Variants in NPIPB2 observed in about 807,000 individuals in gnomAD.
The protein encoded by NPIPB2 is nuclear pore complex-interacting protein family member B2.
Under a neutral mutation model 30.8 loss-of-function variants are expected in NPIPB2, and 27 were observed. That is an observed-to-expected ratio of 0.88 (90% confidence interval 0.65 to 1.21). NPIPB2 has a LOEUF of 1.21. Among genes scored for constraint, NPIPB2 ranks in the 50% most tolerant of loss-of-function variants. The pLI is 0.00. For synonymous variants in NPIPB2, 147 were observed against 162.0 expected (o/e 0.91, Z 0.70); for missense variants, 440 against 446.2 (o/e 0.99, Z 0.13).
exon 8 of NPIPB2, chr16:11,927,555 G>A (rs1479483441): frequency 1.2e-6 from 2 of 1,605,982 alleles, no homozygotes; most frequent in African/African-American, 2.7e-5. Context: ...CACCTCTTGG[G>A]TTTGGGTGGT....
At chr16:11,934,226 T>TCACACACACACACACACACACA (rs766087820) in intron 2 of NPIPB2, among the ~76,000 whole-genome samples, 4 of 121,750 alleles carry the variant, frequency 3.3e-5, no homozygotes, top group Admixed American at 1.7e-4. Context: ...TGAGACTCTG[T>TCACACACACACACACACACACA]CACACACACA....
At chr16:11,930,524 A>C (rs1443918776) in exon 5 of NPIPB2, 6 of 1,587,916 alleles carry the variant, frequency 3.8e-6, no homozygotes, top group Middle Eastern at 2.3e-4. Context: ...CCTTTTCTGC[A>C]TGCTCACATT....
chr16:11,951,557 C>CAGA (rs2055063518), intron 1 of NPIPB2, among the ~76,000 whole-genome samples: 2 of 149,632 alleles, frequency 1.3e-5, no homozygotes, highest in African/African-American at 4.9e-5. Context: ...ATACATCCTT[C>CAGA]TCCTCAATAC....
At chr16:11,960,045 C>T (rs558653945) in intron 1 of NPIPB2, among the ~76,000 whole-genome samples, 3 of 152,132 alleles carry the variant, frequency 2.0e-5, no homozygotes, top group Non-Finnish European at 4.4e-5. Flanking sequence ...AAAATGCTGG[C>T]ATTACAGGTG....
intron 1 of NPIPB2, among the ~76,000 whole-genome samples, chr16:11,965,876 G>A (rs1163647724): frequency 6.6e-6 from 1 of 152,162 alleles, no homozygotes; most frequent in Non-Finnish European, 1.5e-5. Context: ...TTGGGAGGCC[G>A]AGGTGGGTGA....
chr16:11,930,545 T>A, exon 5 of NPIPB2: 1 of 1,582,302 alleles, frequency 6.3e-7, no homozygotes, highest in Non-Finnish European at 8.5e-7. Flanking sequence ...CTTTCACGCT[T>A]AGTTTCCTCA....
intron 1 of NPIPB2, among the ~76,000 whole-genome samples, chr16:11,948,692 G>A (rs1481353915): frequency 2.7e-5 from 4 of 149,480 alleles, no homozygotes; most frequent in African/African-American, 9.8e-5. Context: ...GCGTGAACCC[G>A]GGAGGCAGAG....
At chr16:11,944,358 G>T (rs931353680), upstream of NPIPB2, among the ~76,000 whole-genome samples, 1 of 151,702 alleles carries the variant, frequency 6.6e-6, no homozygotes, top group Non-Finnish European at 1.5e-5. Context: ...GTAGAGACGG[G>T]GGTTTCACGA....
intron 1 of NPIPB2, chr16:11,941,247 C>G: frequency 3.3e-6 from 5 of 1,518,140 alleles, no homozygotes; most frequent in Non-Finnish European, 4.4e-6. Flanking sequence ...CCCGCATGTC[C>G]TGGTCCTTTC....
intron 1 of NPIPB2, among the ~76,000 whole-genome samples, chr16:11,975,429 G>C (rs1022839545): frequency 6.6e-6 from 1 of 151,724 alleles, no homozygotes; most frequent in African/African-American, 2.4e-5. Flanking sequence ...TTACAGGCGT[G>C]AGCCACCGCG....
chr16:11,941,304 A>G (rs2054935707), intron 1 of NPIPB2: 2 of 1,132,128 alleles, frequency 1.8e-6, no homozygotes, highest in South Asian at 1.3e-5. Context: ...GGCTTAGGGC[A>G]GGGGGAGGGA....
At chr16:11,972,575 CA>C (rs58455437) in intron 1 of NPIPB2, among the ~76,000 whole-genome samples, 2 of 146,998 alleles carry the variant, frequency 1.4e-5, no homozygotes, top group Non-Finnish European at 3.0e-5. Context: ...ACCGCATCTT[CA>C]AAAAAAAAGA....
At chr16:11,941,536 C>T (rs866591983) in intron 1 of NPIPB2, among the ~76,000 whole-genome samples, 12 of 151,606 alleles carry the variant, frequency 7.9e-5, no homozygotes, top group Middle Eastern at 6.8e-3. Context: ...CTACAGGTCA[C>T]GGAGAAGATC....
chr16:11,938,786 T>C (rs2054901219), intron 1 of NPIPB2, among the ~76,000 whole-genome samples: 2 of 152,212 alleles, frequency 1.3e-5, no homozygotes, highest in Admixed American at 1.3e-4. Context: ...TTTTGCTCTG[T>C]CACCCAGGCT....
chr16:11,969,343 T>C (rs1345847519), intron 1 of NPIPB2, among the ~76,000 whole-genome samples: 1 of 152,002 alleles, frequency 6.6e-6, no homozygotes, highest in African/African-American at 2.4e-5. Context: ...CTGCAACCTC[T>C]GCCTCCCGGG....
At chr16:11,965,507 A>G in intron 1 of NPIPB2, 1 of 1,569,616 alleles carries the variant, frequency 6.4e-7, no homozygotes, top group Non-Finnish European at 8.7e-7. Flanking sequence ...TTCTGTCTAT[A>G]TGGACTGCTT....
At chr16:11,932,276 G>T (rs1252847176) in intron 4 of NPIPB2, among the ~76,000 whole-genome samples, 1 of 152,008 alleles carries the variant, frequency 6.6e-6, no homozygotes, top group Non-Finnish European at 1.5e-5. Flanking sequence ...AACAAAAAAA[G>T]ATCAGTCATA....
chr16:11,943,997 CAA>C (rs398070768), upstream of NPIPB2, among the ~76,000 whole-genome samples: 6 of 50,350 alleles, frequency 1.2e-4, no homozygotes, highest in East Asian at 3.9e-3. Flanking sequence ...GACTCTGTCT[CAA>C]AAAAAAAAAA....
intron 1 of NPIPB2, among the ~76,000 whole-genome samples, chr16:11,973,331 G>A (rs1016507916): frequency 6.6e-6 from 1 of 152,112 alleles, no homozygotes; most frequent in African/African-American, 2.4e-5. Context: ...GATGACTGGG[G>A]GACTGAGAAT....
Sources: gnomAD v4.1 joint callset for allele counts (sites outside exome capture counted in the v4.1 genomes callset) on GRCh38, gnomAD v4.1.1 for gene constraint, MANE v1.5 for transcripts, NCBI Gene and HGNC (gene_info 2026-07-23, HGNC 2026-07-21) for gene names.